Variants in TEX15 observed in about 807,000 individuals in gnomAD.
TEX15 encodes the protein testis-expressed protein 15.
TEX15 carries 171 observed loss-of-function variants against 237.3 expected under a neutral mutation model. The observed-to-expected ratio is 0.72, with a 90% confidence interval of 0.64 to 0.82. The LOEUF (loss-of-function observed/expected upper bound fraction) is 0.82. Among genes scored for constraint, TEX15 ranks in the 40% least tolerant of loss-of-function variants. The pLI is 0.00. For missense variants in TEX15, 3,750 were observed against 3,646.5 expected (o/e 1.03, Z -0.73); for synonymous variants, 1,338 against 1,269.8 (o/e 1.05, Z -1.14).
intron 8 of TEX15, 21 bp from the exon 9 acceptor site, chr8:30,839,985 G>A (rs753467837): frequency 6.7e-7 from 1 of 1,496,132 alleles, no homozygotes; most frequent in Non-Finnish European, 9.1e-7. Flanking sequence ...AAGATACAAA[G>A]AAAATCTTCA....
At chr8:30,911,130 A>G (rs1384537986) in intron 1 of TEX15, among the ~76,000 whole-genome samples, 1 of 151,992 alleles carries the variant, frequency 6.6e-6, no homozygotes, top group African/African-American at 2.4e-5. Flanking sequence ...CTTTATTTTT[A>G]TTTTTTTGAG....
chr8:30,877,073 T>A (rs1808414521), intron 3 of TEX15, among the ~76,000 whole-genome samples: 1 of 152,100 alleles, frequency 6.6e-6, no homozygotes, highest in African/African-American at 2.4e-5. Flanking sequence ...TTAAATCTTT[T>A]ATTAAAAAAA....
chr8:30,912,034 G>A (rs1437240220), intron 1 of TEX15, among the ~76,000 whole-genome samples: 1 of 152,190 alleles, frequency 6.6e-6, no homozygotes, highest in East Asian at 1.9e-4. Context: ...CCACAGCGCC[G>A]GGACACGCGG....
At chr8:30,890,329 C>T (rs1348438824) in intron 2 of TEX15, among the ~76,000 whole-genome samples, 1 of 151,620 alleles carries the variant, frequency 6.6e-6, no homozygotes, top group Non-Finnish European at 1.5e-5. Context: ...AAAATTGATT[C>T]AAGAAGAAAT....
chr8:30,846,912 A>G lies in TEX15; in HGVS notation c.3255T>C (p.Leu1085=). The part of the protein sequence containing the change: ...QQDTHSHENM[L]CEEFVTSYKA... Reference sequence around the variant, plus strand: ...TATATGAGGTCACAAATTCTTCACAAAGCATGTTTTCATGGCTATGTGTAT... The same window carrying G: ...TATATGAGGTCACAAATTCTTCACAGAGCATGTTTTCATGGCTATGTGTAT... Residue 1085 remains leucine, a synonymous_variant, in exon 8 of 11, where the codon CTT becomes CTC. Coordinates refer to ENST00000643185, the MANE Select transcript of TEX15 (RefSeq NM_001350162.2). The G allele has an allele frequency of 6.2e-7, 1 of 1,613,716 alleles. No individual in the cohort carries two copies. Among genetic ancestry groups the G allele is most frequent in the Non-Finnish European group, 8.5e-7 (1 of 1,179,716 alleles).
In TEX15 at chr8:30,848,367, A is replaced by G. The variant is rs1047502012; in HGVS notation, c.1800T>C (p.Ser600=). ...CTTTCTTTTTGAGTGGAAAAACTGT[A>G]GACGTTTGGCAACCAGTCTGATAAA... ...KTIYQTGCQT[S]TVFPLKKKVS... The change falls in exon 8 of 11, where the codon TCT becomes TCC. Residue 600 remains serine (S), a synonymous_variant. Transcript: ENST00000643185. 3.1e-6 allele frequency: 5 copies of G among 1,614,054 alleles called. No homozygotes were observed. Among genetic ancestry groups the G allele is most frequent in the Admixed American group, 1.7e-5 (1 of 60,012 alleles).
intron 3 of TEX15, among the ~76,000 whole-genome samples, chr8:30,882,252 G>A (rs1808544170): frequency 6.6e-6 from 1 of 152,070 alleles, no homozygotes; most frequent in African/African-American, 2.4e-5. Context: ...TTTTCTGTTT[G>A]CATGTTGTCA....
At position 30,842,719 on chromosome 8, in the gene TEX15, G is replaced by A. The variant is rs1807490544; in HGVS notation, c.7448C>T (p.Pro2483Leu). ...TTTTTCTTGGCACTGAACCAGCTCA[G>A]GAAGAAGTGACAAATCAAACCAAAG... ...GMLWFDLSLLPELVQCQEKMA... is the reference protein window; with the variant it reads ...GMLWFDLSLLLELVQCQEKMA... Residue 2483 changes from proline (P) to leucine (L), a missense_variant, in exon 8 of 11, where the codon CCT becomes CTT. By Grantham distance (98) the Pro-to-Leu change is moderately conservative. Transcript: ENST00000643185. 6.2e-7 allele frequency: 1 copy of A among 1,613,394 alleles called. No homozygotes were observed. Among genetic ancestry groups the A allele is most frequent in the East Asian group, 2.2e-5 (1 of 44,850 alleles).
chr8:30,846,205 T>A lies in TEX15; in HGVS notation c.3962A>T (p.His1321Leu). ...QNIPHKDLRR[H>L]KIYGRKRRLT... ...CCTCCTCTTTCTCCCATAAATTTTA[T>A]GTCGTCTTAAATCTTTATGTGGTAT... Residue 1321 changes from histidine (H) to leucine (L), a missense_variant, in exon 8 of 11, where the codon CAT becomes CTT. Physicochemically the swap from His to Leu is moderately conservative, Grantham distance 99. Transcript: ENST00000643185. The A allele has an allele frequency of 6.2e-7, 1 of 1,613,290 alleles. No individual in the cohort carries two copies. The highest frequency in any genetic ancestry group is 8.5e-7 in the Non-Finnish European group (1 of 1,179,626).
chr8:30,912,122 C>T (rs1162401270), intron 1 of TEX15, among the ~76,000 whole-genome samples: 1 of 152,224 alleles, frequency 6.6e-6, no homozygotes, highest in African/African-American at 2.4e-5. Context: ...GCCCAGCTAC[C>T]CCCGCGCCGC....
intron 2 of TEX15, among the ~76,000 whole-genome samples, chr8:30,898,041 T>G (rs1302920082): frequency 6.6e-6 from 1 of 152,142 alleles, no homozygotes; most frequent in Non-Finnish European, 1.5e-5. Context: ...TAAGCGATAT[T>G]TGCATATTGG....
chr8:30,907,502 T>C (rs950962384), intron 1 of TEX15, among the ~76,000 whole-genome samples: 17 of 146,868 alleles, frequency 1.2e-4, no homozygotes, highest in East Asian at 7.8e-4. Flanking sequence ...AATGTATATA[T>C]AAATTATATA....
In TEX15 at chr8:30,846,173, T is replaced by C. The variant is rs1563239369; in HGVS notation, c.3994A>G (p.Ser1332Gly). ...GAGAAACACTCAGATGAGTCTTGAC[T>C]GGTTAGCCTCCTCTTTCTCCCATAA... The part of the protein sequence containing the change: ...KIYGRKRRLT[S>G]QDSSECFSSL... Residue 1332 changes from serine (S) to glycine (G), a missense_variant, in exon 8 of 11, where the codon AGT becomes GGT. Transcript: ENST00000643185. 3 of 1,613,326 alleles carry C rather than the reference T, an allele frequency of 1.9e-6. 1 individual carries two copies. Among genetic ancestry groups the C allele is most frequent in the South Asian group, 2.2e-5 (2 of 90,890 alleles).
intron 7 of TEX15, 27 bp downstream of exon 7, chr8:30,858,641 T>A: frequency 6.7e-7 from 1 of 1,497,938 alleles, no homozygotes; most frequent in South Asian, 1.3e-5. Context: ...CAAATATTAA[T>A]CAAGTACAAT....
intron 2 of TEX15, chr8:30,888,536 T>C (rs1808714833): frequency 7.8e-6 from 8 of 1,023,952 alleles, no homozygotes; most frequent in South Asian, 1.4e-5. Flanking sequence ...CTGCCAAATA[T>C]TGATTCTTAA....
intron 2 of TEX15, among the ~76,000 whole-genome samples, chr8:30,892,555 T>C (rs532005332): frequency 2.0e-4 from 30 of 152,380 alleles, no homozygotes; most frequent in African/African-American, 7.2e-4. Context: ...TAAGTTATAC[T>C]GTTATATTAG....
rs555979852 is a variant in TEX15 at position 30,845,381 on chromosome 8, T to C, written c.4786A>G (p.Asn1596Asp). The C allele has an allele frequency of 6.2e-7, 1 of 1,611,546 alleles. No individual in the cohort carries two copies. The highest frequency in any genetic ancestry group is 1.7e-5 in the Admixed American group (1 of 59,752). ...TTTTCTTTAGTTGCATCTTTAACAT[T>C]ATGATTTGCTGAATGTTTTTCAAGC... ...EKLEKHSANHNVKDATKENSC... is the reference protein window; with the variant it reads ...EKLEKHSANHDVKDATKENSC... The change falls in exon 8 of 11, where the codon AAT becomes GAT. Residue 1596 changes from asparagine to aspartate, a missense_variant. By Grantham distance (23) the Asn-to-Asp change is conservative. Transcript: ENST00000643185.
At chr8:30,840,410 G>A (rs1807424405) in intron 8 of TEX15, among the ~76,000 whole-genome samples, 6 of 152,074 alleles carry the variant, frequency 3.9e-5, no homozygotes. Context: ...TGGTCAGGCT[G>A]GTCTCGAACT....
rs1807487993 is a variant in TEX15, at chr8:30,842,643, C to T, written c.7524G>A (p.Trp2508Ter). 2 of 1,612,018 alleles carry T rather than the reference C, an allele frequency of 1.2e-6. No individual in the cohort carries two copies. The highest frequency in any genetic ancestry group is 4.5e-5 in the East Asian group (2 of 44,838). The change falls in exon 8 of 11, where the codon TGG becomes TGA. Residue 2508 changes from tryptophan to a stop codon, truncating the protein, a stop_gained. Coordinates refer to ENST00000643185, the MANE Select transcript of TEX15 (RefSeq NM_001350162.2). LOFTEE classifies it high-confidence loss of function. ...LKDNSTDVCL[W>*]KVIETAVSEL... ...CGGAAACAGCAGTCTCTATCACTTTCCAAAGGCAAACATCTGTTGAGTTAT... is the reference window on the plus strand; with the variant it reads ...CGGAAACAGCAGTCTCTATCACTTTTCAAAGGCAAACATCTGTTGAGTTAT...
Sources: allele counts gnomAD v4.1 joint callset (sites outside exome capture counted in the v4.1 genomes callset), GRCh38; gene constraint gnomAD v4.1.1; transcripts MANE v1.5; gene names NCBI Gene and HGNC (gene_info 2026-07-23, HGNC 2026-07-21).